SCAPER: variants seen among roughly 807,000 people sequenced by gnomAD.
SCAPER encodes S phase cyclin A-associated protein in the endoplasmic reticulum.
A neutral mutation model predicts 182.2 loss-of-function variants in SCAPER; 98 were observed. That is an observed-to-expected ratio of 0.54 (90% CI 0.46 to 0.64). The LOEUF (loss-of-function observed/expected upper bound fraction) is 0.64, where lower values mean the gene tolerates loss of function less well. SCAPER is among the 30% of genes least tolerant of loss of function. The probability of loss-of-function intolerance (pLI) is 0.00; values close to 1 mark genes in which losing one functional copy is unlikely to be tolerated. For missense variants in SCAPER, 1,432 were observed against 1,690.0 expected, an observed-to-expected ratio of 0.85 and a Z score of 2.68; for synonymous variants, 605 against 564.6, an observed-to-expected ratio of 1.07 and a Z score of -1.01.
chr15:76,772,684 A>C (rs947462243), intron 9 of SCAPER, among the ~76,000 whole-genome samples: 22 of 152,008 alleles, frequency 1.4e-4, no homozygotes, highest in Admixed American at 1.1e-3. Flanking sequence ...TACAATATAA[A>C]AAGCAAACAG....
In SCAPER at chr15:76,841,833, T is replaced by G. The variant is rs2069513070; in HGVS notation, c.294A>C (p.Leu98=). The change falls in exon 5 of 32, where the codon CTA becomes CTC. Residue 98 remains leucine (L), a synonymous_variant. Coordinates refer to ENST00000563290, the MANE Select transcript of SCAPER (RefSeq NM_020843.4). ...TKTRHPRKID[L]RARYWAFLFD... ...AAAGAAATGCCCAGTATCGAGCTCT[T>G]AGATCAATTTTCCGAGGGTGCCTTG... 6.2e-7 allele frequency: 1 copy of G among 1,613,916 alleles called. No individual in the cohort carries two copies. The highest frequency in any genetic ancestry group is 8.5e-7 in the Non-Finnish European group (1 of 1,179,846).
At chr15:76,641,687 C>G (rs887446609) in intron 21 of SCAPER, among the ~76,000 whole-genome samples, 1 of 152,064 alleles carries the variant, frequency 6.6e-6, no homozygotes, top group Non-Finnish European at 1.5e-5. Context: ...CCAGCAGGAA[C>G]AAGAAAAGGA....
intron 16 of SCAPER, 49 bp from the exon 17 acceptor site, chr15:76,728,786 A>C: frequency 1.3e-6 from 2 of 1,542,860 alleles, no homozygotes; most frequent in Non-Finnish European, 1.7e-6. Flanking sequence ...GTGTAAAATA[A>C]AAATGATTCA....
chr15:76,643,498 A>G (rs557587310), intron 21 of SCAPER, among the ~76,000 whole-genome samples: 5 of 152,036 alleles, frequency 3.3e-5, no homozygotes, highest in African/African-American at 1.2e-4. Context: ...CCTGGCCAAC[A>G]TGGTGAAACC....
At chr15:76,726,251 A>C (rs2060594450) in intron 17 of SCAPER, among the ~76,000 whole-genome samples, 1 of 150,076 alleles carries the variant, frequency 6.7e-6, no homozygotes, top group African/African-American at 2.4e-5. Context: ...GAAATGGCCA[A>C]TAAGCACATG....
At chr15:76,552,680 G>T (rs762783630) in intron 23 of SCAPER, among the ~76,000 whole-genome samples, 1 of 152,158 alleles carries the variant, frequency 6.6e-6, no homozygotes, top group Non-Finnish European at 1.5e-5. Context: ...CAGCCCATAC[G>T]CAGTCTAGGG....
intron 1 of SCAPER, among the ~76,000 whole-genome samples, chr15:76,899,367 T>G (rs1378429626): frequency 6.6e-6 from 1 of 152,244 alleles, no homozygotes; most frequent in Non-Finnish European, 1.5e-5. Context: ...TTTCGCCATG[T>G]TGACCGTGCT....
At chr15:76,654,374 C>CT (rs1471682330) in intron 21 of SCAPER, among the ~76,000 whole-genome samples, 1 of 152,176 alleles carries the variant, frequency 6.6e-6, no homozygotes, top group Non-Finnish European at 1.5e-5. Context: ...CACCACTGCA[C>CT]TCCAGCCTGG....
chr15:76,810,577 A>T (rs2066523855), intron 5 of SCAPER, among the ~76,000 whole-genome samples: 1 of 150,754 alleles, frequency 6.6e-6, no homozygotes, highest in South Asian at 2.1e-4. Flanking sequence ...ACACACACAC[A>T]AAAGAAGAGA....
intron 23 of SCAPER, among the ~76,000 whole-genome samples, chr15:76,538,642 C>A (rs1486567619): frequency 1.3e-5 from 2 of 151,866 alleles, no homozygotes; most frequent in African/African-American, 2.4e-5. Flanking sequence ...GTGCAGCACA[C>A]CAGCATGGCA....
chr15:76,841,981 G>A (rs774457249), intron 4 of SCAPER, 50 bp from the exon 5 acceptor site: 7 of 1,500,290 alleles, frequency 4.7e-6, no homozygotes, highest in South Asian at 1.2e-5. Context: ...AGGGCTTCCA[G>A]GGACTGGATT....
intron 20 of SCAPER, among the ~76,000 whole-genome samples, chr15:76,666,815 G>A (rs910903708): frequency 8.5e-5 from 13 of 152,088 alleles, no homozygotes; most frequent in African/African-American, 2.9e-4. Flanking sequence ...CACTCCCACA[G>A]CTAAATGTAT....
intron 22 of SCAPER, among the ~76,000 whole-genome samples, chr15:76,588,066 C>T (rs1456357798): frequency 6.6e-6 from 1 of 152,114 alleles, no homozygotes; most frequent in Non-Finnish European, 1.5e-5. Flanking sequence ...GGACTACAAG[C>T]GCCCACCACC....
At chr15:76,841,228 C>T (rs1182625503) in intron 5 of SCAPER, among the ~76,000 whole-genome samples, 2 of 152,104 alleles carry the variant, frequency 1.3e-5, no homozygotes, top group African/African-American at 4.8e-5. Flanking sequence ...AAAAAATCTT[C>T]AAAATCAAGA....
At chr15:76,673,964 C>T (rs1291186437) in intron 20 of SCAPER, among the ~76,000 whole-genome samples, 1 of 107,988 alleles carries the variant, frequency 9.3e-6, no homozygotes. Context: ...CACACACACA[C>T]ACACACACAC....
rs1031632961 is a variant in SCAPER at position 76,826,025 on chromosome 15, C to T, written c.393+15709G>A. Among the ~76,000 whole-genome samples the T allele has an allele frequency of 1.8e-4, 28 of 152,178 alleles. 1 individual carries two copies. Among genetic ancestry groups the T allele is most frequent in the African/African-American group, 6.8e-4 (28 of 41,432 alleles). ...CTCCCAAAAGTGCTGGGATTACAGG[C>T]GTGAGCCTCCGTGCCTGGCCACAAA... is the stretch of plus-strand genomic sequence containing the variant. On this transcript the variant is annotated intron_variant, in intron 5 of 31. Coordinates refer to ENST00000563290, the MANE Select transcript of SCAPER (RefSeq NM_020843.4).
chr15:76,823,402 G>A (rs193253579), intron 5 of SCAPER, among the ~76,000 whole-genome samples: 77 of 152,188 alleles, frequency 5.1e-4, no homozygotes, highest in Non-Finnish European at 7.4e-5. Context: ...GGAGGTTCCA[G>A]TGAGCCCAGA....
intron 27 of SCAPER, among the ~76,000 whole-genome samples, chr15:76,403,528 A>G (rs2044615030): frequency 6.6e-6 from 1 of 152,196 alleles, no homozygotes; most frequent in East Asian, 1.9e-4. Flanking sequence ...GAGGATGTTC[A>G]TTTTAGAATA....
At chr15:76,523,204 G>A (rs971076326) in intron 23 of SCAPER, among the ~76,000 whole-genome samples, 75 of 151,970 alleles carry the variant, frequency 4.9e-4, no homozygotes, top group Middle Eastern at 3.4e-3. Flanking sequence ...ACCTTATAAA[G>A]GGGTTCACAC....
Sources: gnomAD v4.1 joint callset for allele counts (sites outside exome capture counted in the v4.1 genomes callset) on GRCh38, gnomAD v4.1.1 for gene constraint, MANE v1.5 for transcripts, NCBI Gene and HGNC (gene_info 2026-07-23, HGNC 2026-07-21) for gene names.